The following HMCN2 variants were observed in gnomAD, a reference collection of about 807,000 sequenced individuals.
HMCN2 encodes hemicentin-2.
Under a neutral mutation model 377.5 loss-of-function variants are expected in HMCN2, and 325 were observed. The observed-to-expected ratio is 0.86, with a 90% CI of 0.79 to 0.94. The LOEUF is 0.94. Among genes scored for constraint, HMCN2 ranks in the 40% least tolerant of loss-of-function variants. The pLI, the probability that HMCN2 is intolerant of heterozygous loss-of-function variation, is 0.00. For synonymous variants in HMCN2, 2,007 were observed against 2,046.8 expected, an observed-to-expected ratio of 0.98 and a Z score of 0.53; for missense variants, 4,543 against 4,725.3, an observed-to-expected ratio of 0.96 and a Z score of 1.13.
chr9:130,271,074 C>G lies in HMCN2; in HGVS notation c.259+4937C>G, dbSNP rs1451078271. ...GTCTAATGTTTTTTTTCCAGTTAGA[C>G]TGGGTAATGTTTTGGGAGGAAGACC... On this transcript the variant is annotated intron_variant, in intron 1 of 97. Coordinates refer to ENST00000683500, the MANE Select transcript of HMCN2 (RefSeq NM_001291815.2). Among the ~76,000 whole-genome samples the G allele has an allele frequency of 1.3e-5, 2 of 148,756 alleles. 1 individual carries two copies. Among genetic ancestry groups the G allele is most frequent in the African/African-American group, 4.9e-5 (2 of 41,148 alleles).
Position 130,285,223 on chromosome 9 carries a change from C to T in HMCN2, c.396C>T (p.Pro132=), listed in dbSNP as rs945924921. 5 of 471,044 alleles carry T rather than the reference C, an allele frequency of 1.1e-5. No individual in the cohort carries two copies. The highest frequency in any genetic ancestry group is 3.1e-5 in the South Asian group (2 of 64,574). 29.2% of individuals were successfully genotyped at this position (471,044 alleles called of 1,614,324 possible). The change falls in exon 3 of 98, where the codon CCC becomes CCT. Residue 132 remains proline (P), a synonymous_variant. Transcript: ENST00000683500. ...AIKAAVEVAN[P]GSFIYVFSDA... is the part of the protein sequence containing the mutation. ...AGGCTGCCGTGGAGGTTGCCAACCC[C>T]GGATCCTTCATCTACGTCTTTTCGG...
Position 130,393,635 on chromosome 9 carries a change from C to A in HMCN2, c.10235-107C>A. ...CACAGAGGAGGGCACCTCACCTGGCCTTGGGGGACCAGGGCGGCTTCCTGG... is the reference window on the plus strand; with the variant it reads ...CACAGAGGAGGGCACCTCACCTGGCATTGGGGGACCAGGGCGGCTTCCTGG... On this transcript the variant is annotated intron_variant, in intron 67 of 97. Transcript: ENST00000683500. The surrounding 1 kb of genome is among the most constrained non-coding windows in gnomAD (Gnocchi z 5.2). The A allele has an allele frequency of 1.8e-6, 2 of 1,082,720 alleles. No homozygotes were observed. The highest frequency in any genetic ancestry group is 2.3e-6 in the Non-Finnish European group (2 of 851,164). The allele number at this position is 1,082,720 out of a possible 1,614,324, so 67.1% of individuals were successfully genotyped here.
intron 1 of HMCN2, among the ~76,000 whole-genome samples, chr9:130,277,531 C>A (rs1834759920): frequency 6.6e-6 from 1 of 152,176 alleles, no homozygotes; most frequent in Admixed American, 6.5e-5. Flanking sequence ...CTTTACTTCC[C>A]CAAGCCTCCA....
intron 46 of HMCN2, among the ~76,000 whole-genome samples, 177 bp downstream of exon 46, chr9:130,371,308 A>T (rs1035718956): frequency 2.0e-5 from 3 of 152,132 alleles, no homozygotes; most frequent in Non-Finnish European, 4.4e-5. Flanking sequence ...GAGGTGCTCC[A>T]GGAAAATATC....
Position 130,433,339 on chromosome 9 carries a change from C to T in HMCN2, c.14895-9C>T, listed in dbSNP as rs1844877370. Reference sequence around the variant, plus strand: ...AGTCCGCCTGTCCGTGTGTCTGTGCCGCCCGCAGGACGTGCTTCCGGCGCT... The same window carrying T: ...AGTCCGCCTGTCCGTGTGTCTGTGCTGCCCGCAGGACGTGCTTCCGGCGCT... On this transcript the variant is annotated splice_polypyrimidine_tract_variant and intron_variant, in intron 97 of 97. Coordinates refer to ENST00000683500, the MANE Select transcript of HMCN2 (RefSeq NM_001291815.2). 7.7e-6 allele frequency: 11 copies of T among 1,435,828 alleles called. No homozygotes were observed. Among genetic ancestry groups the T allele is most frequent in the African/African-American group, 1.5e-5 (1 of 67,196 alleles). 88.9% of individuals were successfully genotyped at this position (1,435,828 alleles called of 1,614,324 possible). A position where few individuals can be genotyped will look rare whatever the true frequency, so the allele number is the denominator to read the frequency against.
In HMCN2 at chr9:130,369,533, C is replaced by A; in HGVS notation, c.6788-37C>A. 1.0e-6 allele frequency: 1 copy of A among 983,204 alleles called. No individual in the cohort carries two copies. Among genetic ancestry groups the A allele is most frequent in the Non-Finnish European group, 1.2e-6 (1 of 827,548 alleles). 60.9% of individuals were successfully genotyped at this position (983,204 alleles called of 1,614,324 possible). ...AGTGTGTGGTGCCTGGTGGCCCCAGCAGCTTTCTCTGATGGGCTTTCTCCC... is the reference window on the plus strand; with the variant it reads ...AGTGTGTGGTGCCTGGTGGCCCCAGAAGCTTTCTCTGATGGGCTTTCTCCC... On this transcript the variant is annotated intron_variant, in intron 44 of 97. Coordinates refer to ENST00000683500, the MANE Select transcript of HMCN2 (RefSeq NM_001291815.2). The surrounding 1 kb of genome is among the most constrained non-coding windows in gnomAD (Gnocchi z 4.5).
intron 15 of HMCN2, among the ~76,000 whole-genome samples, chr9:130,312,661 T>C (rs926462987): frequency 3.4e-5 from 5 of 146,580 alleles, no homozygotes; most frequent in African/African-American, 5.1e-5. Flanking sequence ...TCCCTTCCTT[T>C]CTTTCTTTCT....
At chr9:130,294,361 C>T (rs1554931146) in intron 4 of HMCN2, among the ~76,000 whole-genome samples, 1 of 152,224 alleles carries the variant, frequency 6.6e-6, no homozygotes, top group African/African-American at 2.4e-5. Context: ...CAATTCCTTA[C>T]TTCTGTGGAC....
chr9:130,299,285 C>G lies in HMCN2; in HGVS notation c.1273C>G (p.Pro425Ala), dbSNP rs576792337. The G allele has an allele frequency of 4.4e-6, 2 of 454,562 alleles. No individual in the cohort carries two copies. The highest frequency in any genetic ancestry group is 9.3e-6 in the Non-Finnish European group (2 of 215,658). The allele number at this position is 454,562 out of a possible 1,614,324, so 28.2% of individuals were successfully genotyped here. A position where few individuals can be genotyped will look rare whatever the true frequency, so the allele number is the denominator to read the frequency against. ...VSGVSYSGVA[P>A]GAPLVSMAPR... The stretch of plus-strand genomic sequence containing the variant: ...TGGAGTGTCCTACAGTGGGGTGGCC[C>G]CAGGTGAGTGGTTGGCTCTTTTGTC... Residue 425 changes from proline (P) to alanine (A), a missense_variant, in exon 8 of 98, where the codon CCA (proline) becomes GCA (alanine). Physicochemically the swap from Pro to Ala is conservative, Grantham distance 27. This residue lies in a region of HMCN2 where 547 missense variants were observed against 189.9 expected (regional missense o/e 2.88). Transcript: ENST00000683500.
intron 62 of HMCN2, 61 bp downstream of exon 62, chr9:130,388,601 G>A (rs1326824043): frequency 8.3e-5 from 81 of 980,572 alleles, no homozygotes; most frequent in Non-Finnish European, 9.6e-5. Context: ...TAAGATGACA[G>A]CAGAAGCGGA....
At chr9:130,427,643 G>A (rs773961138) in intron 92 of HMCN2, 24 bp downstream of exon 92, 2 of 1,543,732 alleles carry the variant, frequency 1.3e-6, no homozygotes, top group Non-Finnish European at 8.7e-7. Flanking sequence ...CGGGAGGAGG[G>A]AGGAGACGCG....
rs184409658 is a variant in HMCN2 at position 130,422,975 on chromosome 9, G to A, written c.13381+249G>A. On this transcript the variant is annotated intron_variant, in intron 87 of 97. Transcript: ENST00000683500. This position sits in a 1 kb window ranked among gnomAD's most constrained non-coding sequence, Gnocchi z 4.2. ...GGAACTGCATTTACAGTCAGACCAA[G>A]AGTGTGTGAAACGGTCAGTGTTCTG... Among the ~76,000 whole-genome samples the A allele has an allele frequency of 4.8e-3, 730 of 152,312 alleles. 2 individuals are homozygous for A. Among genetic ancestry groups the A allele is most frequent in the Non-Finnish European group, 7.1e-3 (486 of 68,022 alleles).
chr9:130,335,590 G>A (rs891813093), intron 22 of HMCN2, among the ~76,000 whole-genome samples: 9 of 152,138 alleles, frequency 5.9e-5, no homozygotes, highest in African/African-American at 2.2e-4. Flanking sequence ...ACCTGGAGGA[G>A]GTGATGTCTC....
At chr9:130,273,518 G>T (rs1419252133) in intron 1 of HMCN2, among the ~76,000 whole-genome samples, 3 of 151,204 alleles carry the variant, frequency 2.0e-5, no homozygotes, top group African/African-American at 7.3e-5. Flanking sequence ...TTATTTTTGA[G>T]ACTGAGTCTC....
intron 19 of HMCN2, among the ~76,000 whole-genome samples, chr9:130,324,686 G>A (rs933490362): frequency 1.1e-3 from 171 of 151,872 alleles, no homozygotes; most frequent in Non-Finnish European, 1.8e-3. Flanking sequence ...GTGCAGTGGC[G>A]CAATCCCAGC....
At chr9:130,427,733 C>A in intron 92 of HMCN2, 114 bp downstream of exon 92, 3 of 1,302,254 alleles carry the variant, frequency 2.3e-6, no homozygotes, top group African/African-American at 3.0e-5. Flanking sequence ...GCAGGGATGG[C>A]CAATTCTTGA....
chr9:130,333,683 G>A (rs1169216491), intron 22 of HMCN2, among the ~76,000 whole-genome samples: 10 of 152,130 alleles, frequency 6.6e-5, no homozygotes, highest in Non-Finnish European at 1.0e-4. Context: ...CTCCGCTGCC[G>A]CCTCCCCTTC....
chr9:130,410,323 T>A (rs1843342213), intron 84 of HMCN2, among the ~76,000 whole-genome samples: 1 of 152,208 alleles, frequency 6.6e-6, no homozygotes, highest in African/African-American at 2.4e-5. Context: ...TTGTTCCACC[T>A]AAGGCAACAA....
rs1843853645 is a variant in HMCN2 at position 130,419,218 on chromosome 9, T to C, written c.13231+177T>C. The C allele has an allele frequency of 7.3e-6, 4 of 551,670 alleles. No homozygotes were observed. The East Asian group carries it at 9.7e-5, about 13-fold the overall frequency. 34.2% of individuals were successfully genotyped at this position (551,670 alleles called of 1,614,324 possible). On this transcript the variant is annotated intron_variant, in intron 86 of 97. Transcript: ENST00000683500. ...CCTGCCCGTTTACAGTTGGGTAAAC[T>C]GAATCTTGGAGGTGCTGTTTGCTGC...
Sources: allele counts gnomAD v4.1 joint callset (sites outside exome capture counted in the v4.1 genomes callset), GRCh38; gene constraint gnomAD v4.1.1; regional missense constraint gnomAD v4.1.1; non-coding constraint Gnocchi (gnomAD v3.1); transcripts MANE v1.5; gene names NCBI Gene and HGNC (gene_info 2026-07-23, HGNC 2026-07-21).